ATG4C: variants seen among roughly 807,000 people sequenced by gnomAD.
The protein encoded by ATG4C is cysteine protease ATG4C.
Under a neutral mutation model 57.6 loss-of-function variants are expected in ATG4C, and 56 were observed. The observed-to-expected ratio is 0.97, with a 90% CI of 0.78 to 1.21. The LOEUF (loss-of-function observed/expected upper bound fraction) is 1.21, where lower values mean the gene tolerates loss of function less well. Ranked by LOEUF, ATG4C falls within the 50% of genes most tolerant of loss-of-function variation. The pLI is 0.00. For synonymous variants in ATG4C, 157 were observed against 174.1 expected, an observed-to-expected ratio of 0.90 and a Z score of 0.78; for missense variants, 595 against 529.8, an observed-to-expected ratio of 1.12 and a Z score of -1.21.
Position 62,830,048 on chromosome 1 carries a change from C to G in ATG4C, c.933+872C>G, listed in dbSNP as rs141660452. Among the ~76,000 whole-genome samples the G allele has an allele frequency of 1.1e-4, 17 of 152,134 alleles. 1 individual carries two copies. The East Asian group carries it at 3.3e-3, about 29-fold the overall frequency. ...TATATATTTAGTTGGAACATCTATT[C>G]TCAGGGTAGATTGTGCTAATTCTAG... On this transcript the variant is annotated intron_variant, in intron 7 of 10. Coordinates refer to ENST00000317868, the MANE Select transcript of ATG4C (RefSeq NM_032852.4).
At chr1:62,854,966 T>C (rs1259084449) in intron 10 of ATG4C, among the ~76,000 whole-genome samples, 1 of 152,114 alleles carries the variant, frequency 6.6e-6, no homozygotes, top group African/African-American at 2.4e-5. Flanking sequence ...GCTTCTGAAG[T>C]CATCACTGTG....
chr1:62,822,932 A>G (rs1311555938), intron 6 of ATG4C, among the ~76,000 whole-genome samples: 1 of 152,134 alleles, frequency 6.6e-6, no homozygotes, highest in East Asian at 1.9e-4. Context: ...AGGTCGGGGG[A>G]TCACTTGAGC....
intron 10 of ATG4C, among the ~76,000 whole-genome samples, chr1:62,860,279 C>T (rs566134663): frequency 1.3e-5 from 2 of 152,214 alleles, no homozygotes; most frequent in South Asian, 4.1e-4. Flanking sequence ...GGCTGTTCTA[C>T]AGGTAATTTC....
chr1:62,851,499 G>T (rs1666519539), intron 10 of ATG4C, among the ~76,000 whole-genome samples: 1 of 152,080 alleles, frequency 6.6e-6, no homozygotes, highest in African/African-American at 2.4e-5. Context: ...CTTGGAAACT[G>T]TAACTTTAAG....
chr1:62,853,172 C>G (rs945583379), intron 10 of ATG4C, among the ~76,000 whole-genome samples: 10 of 152,118 alleles, frequency 6.6e-5, no homozygotes, highest in Non-Finnish European at 1.5e-4. Context: ...TCCCTTCTAG[C>G]ATTTAGTGTT....
At chr1:62,827,014 A>G (rs567429283) in intron 6 of ATG4C, among the ~76,000 whole-genome samples, 22 of 152,318 alleles carry the variant, frequency 1.4e-4, no homozygotes, top group Admixed American at 2.6e-4. Flanking sequence ...GTAAAGGAAT[A>G]AAAAAGTTGC....
chr1:62,829,766 T>C (rs916574107), intron 7 of ATG4C, among the ~76,000 whole-genome samples: 9 of 152,146 alleles, frequency 5.9e-5, no homozygotes, highest in Admixed American at 5.9e-4. Flanking sequence ...TATGGTATCT[T>C]GTTTTGGGCA....
At chr1:62,820,418 G>A (rs191246524) in intron 5 of ATG4C, among the ~76,000 whole-genome samples, 59 of 152,092 alleles carry the variant, frequency 3.9e-4, no homozygotes, top group Non-Finnish European at 7.2e-4. Flanking sequence ...CAGCTTATGG[G>A]CATAGTTTGC....
chr1:62,848,816 G>C (rs892344812), intron 10 of ATG4C, among the ~76,000 whole-genome samples: 3 of 152,152 alleles, frequency 2.0e-5, no homozygotes, highest in African/African-American at 7.2e-5. Flanking sequence ...AAAAGATTGA[G>C]TTCACAATAA....
At chr1:62,816,482 G>A in intron 3 of ATG4C, 93 bp from the exon 4 acceptor site, 3 of 805,914 alleles carry the variant, frequency 3.7e-6, no homozygotes, top group Non-Finnish European at 1.8e-6. Flanking sequence ...GAAAGATTGT[G>A]ACATACTTCA....
At chr1:62,798,758 C>T (rs1664556208) in intron 1 of ATG4C, among the ~76,000 whole-genome samples, 2 of 151,992 alleles carry the variant, frequency 1.3e-5, no homozygotes, top group South Asian at 4.1e-4. Context: ...GATTCTCCTG[C>T]CTCAGCCTCC....
rs776110794 is a variant in ATG4C, at chr1:62,803,861, TAGTA to T, written c.76+4_76+7del. On this transcript the variant is annotated splice_donor_variant and splice_donor_region_variant and coding_sequence_variant and intron_variant, in exon 2 of 11. Transcript: ENST00000317868. LOFTEE classifies it high-confidence loss of function. ...TATCTGCTTGGAACAACATGAAATA[TAGTA>T]AGTATCATGTTTTAAAAATTGTATA... 6.5e-5 allele frequency: 101 copies of T among 1,551,698 alleles called. No homozygotes were observed. Among genetic ancestry groups the T allele is most frequent in the African/African-American group, 8.2e-5 (6 of 72,790 alleles).
At chr1:62,815,877 G>A (rs1665254780) in intron 3 of ATG4C, among the ~76,000 whole-genome samples, 1 of 152,090 alleles carries the variant, frequency 6.6e-6, no homozygotes, top group African/African-American at 2.4e-5. Context: ...TAGAGATGGG[G>A]TTTCACCATG....
chr1:62,848,476 C>A (rs1024542997), intron 10 of ATG4C, among the ~76,000 whole-genome samples: 3 of 152,128 alleles, frequency 2.0e-5, no homozygotes, highest in Non-Finnish European at 4.4e-5. Context: ...AATGCTGTTA[C>A]CTGGTGATAA....
At chr1:62,805,981 A>G (rs1047288219) in intron 3 of ATG4C, among the ~76,000 whole-genome samples, 1 of 152,148 alleles carries the variant, frequency 6.6e-6, no homozygotes, top group Non-Finnish European at 1.5e-5. Flanking sequence ...GTGTTACAGT[A>G]TGTTGTTATC....
chr1:62,790,025 C>G (rs576549826), intron 1 of ATG4C, among the ~76,000 whole-genome samples: 2 of 151,994 alleles, frequency 1.3e-5, no homozygotes, highest in South Asian at 4.2e-4. Flanking sequence ...AGCGATTCTC[C>G]TGCCTCAGCC....
intron 9 of ATG4C, among the ~76,000 whole-genome samples, chr1:62,839,918 C>T (rs1666116653): frequency 6.6e-6 from 1 of 151,692 alleles, no homozygotes; most frequent in East Asian, 1.9e-4. Flanking sequence ...GAAAAAAAAG[C>T]AGCTTGAATG....
chr1:62,785,164 G>T (rs1664042767), intron 1 of ATG4C: 2 of 152,220 alleles, frequency 1.3e-5, no homozygotes, highest in African/African-American at 2.4e-5. Flanking sequence ...GTTGATGGCA[G>T]AAAGAGACAA....
chr1:62,833,990 A>G, intron 7 of ATG4C, 48 bp from the exon 8 acceptor site: 2 of 1,526,244 alleles, frequency 1.3e-6, no homozygotes, highest in Non-Finnish European at 1.8e-6. Flanking sequence ...TGCTTTGAAT[A>G]ATTACCACTT....
Sources: gnomAD v4.1 joint callset for allele counts (sites outside exome capture counted in the v4.1 genomes callset) on GRCh38, gnomAD v4.1.1 for gene constraint, MANE v1.5 for transcripts, NCBI Gene and HGNC (gene_info 2026-07-23, HGNC 2026-07-21) for gene names.